The following MRNIP variants were observed in gnomAD, a reference collection of about 807,000 sequenced individuals.
MRNIP encodes MRN complex-interacting protein.
A neutral mutation model predicts 29.8 loss-of-function variants in MRNIP; 30 were observed. That is an observed-to-expected ratio of 1.01 (90% confidence interval 0.75 to 1.36). The LOEUF is 1.36. Among genes scored for constraint, MRNIP ranks in the 40% most tolerant of loss-of-function variants. The pLI is 0.00. For missense variants in MRNIP, 459 were observed against 423.5 expected (o/e 1.08, Z -0.74); for synonymous variants, 201 against 164.1 (o/e 1.23, Z -1.72).
chr5:179,853,476 T>C lies in MRNIP; in HGVS notation c.67-39A>G, dbSNP rs754105348. On this transcript the variant is annotated intron_variant, in intron 1 of 6. Transcript: ENST00000292586. ...TCAGAAATACAACTCAGATAATTAT[T>C]TAAAACAAAATGGAATTGGGCTGGA... 59 of 1,556,678 alleles carry C rather than the reference T, an allele frequency of 3.8e-5. 1 individual carries two copies. The South Asian group carries it at 6.4e-4, about 17-fold the overall frequency.
At chr5:179,844,714 C>G (rs893087368) in intron 3 of MRNIP, among the ~76,000 whole-genome samples, 1 of 152,090 alleles carries the variant, frequency 6.6e-6, no homozygotes, top group African/African-American at 2.4e-5. Context: ...GCGTGAAGTA[C>G]GCATCCAGCT....
chr5:179,843,021 G>A, intron 4 of MRNIP, among the ~76,000 whole-genome samples: 1 of 117,650 alleles, frequency 8.5e-6, no homozygotes. Context: ...GACACAGCGA[G>A]ACTCTGTCGA....
At chr5:179,838,195 A>G (rs1758699280) in intron 6 of MRNIP, 1 of 438,200 alleles carries the variant, frequency 2.3e-6, no homozygotes. Flanking sequence ...AAGAATTTTG[A>G]GCAGAAGGGC....
chr5:179,855,295 C>T (rs1370360154), intron 1 of MRNIP, among the ~76,000 whole-genome samples: 2 of 152,066 alleles, frequency 1.3e-5, no homozygotes. Context: ...CAGGCACGTG[C>T]CACCACGCCC....
intron 1 of MRNIP, among the ~76,000 whole-genome samples, chr5:179,857,535 G>A (rs945400158): frequency 6.6e-6 from 1 of 152,112 alleles, no homozygotes; most frequent in African/African-American, 2.4e-5. Context: ...AACATTAGAC[G>A]TGGAATAATT....
intron 6 of MRNIP, chr5:179,838,800 G>C (rs1419226433): frequency 6.6e-6 from 1 of 152,204 alleles, no homozygotes; most frequent in African/African-American, 2.4e-5. Flanking sequence ...GCAACATGGT[G>C]AAACCCCCTC....
intron 3 of MRNIP, chr5:179,847,002 C>CT (rs1312237786): frequency 6.6e-6 from 1 of 152,116 alleles, no homozygotes; most frequent in East Asian, 1.9e-4. Context: ...AGCTCAGGTG[C>CT]TTCCTCTCTG....
At position 179,844,166 on chromosome 5, in the gene MRNIP, T is replaced by A; in HGVS notation, c.277A>T (p.Asn93Tyr). ...EENVGHQQAG[N>Y]VKQQEKSQPS... ...CTGAGGCTTACCTGCTGCTTCACAT[T>A]CCCAGCCTGCTGGTGTCCCACGTTT... is the stretch of plus-strand genomic sequence containing the variant. The change falls in exon 4 of 7, where the codon AAT (asparagine) becomes TAT (tyrosine). Residue 93 changes from asparagine to tyrosine, a missense_variant. Transcript: ENST00000292586. 1 of 1,614,152 alleles carries A rather than the reference T, an allele frequency of 6.2e-7. No individual in the cohort carries two copies. The highest frequency in any genetic ancestry group is 8.5e-7 in the Non-Finnish European group (1 of 1,179,998).
At position 179,843,747 on chromosome 5, in the gene MRNIP, AAAAAC is replaced by A. The variant is rs376566420; in HGVS notation, c.291+400_291+404del. Among the ~76,000 whole-genome samples, 306 of 152,158 alleles carry A rather than the reference AAAAAC, an allele frequency of 2.0e-3. 3 individuals are homozygous for A. Among genetic ancestry groups the A allele is most frequent in the African/African-American group, 6.4e-3 (265 of 41,452 alleles). ...AGAGTGAGACCTCGTTTCAGAGAAA[AAAAAC>A]AAAACAAAACAAAACAACAGCTTGC... is the stretch of plus-strand genomic sequence containing the variant. On this transcript the variant is annotated intron_variant, in intron 4 of 6. Coordinates refer to ENST00000292586, the MANE Select transcript of MRNIP (RefSeq NM_016175.4).
chr5:179,857,677 C>A (rs1366500915), intron 1 of MRNIP, among the ~76,000 whole-genome samples: 1 of 152,266 alleles, frequency 6.6e-6, no homozygotes, highest in South Asian at 2.1e-4. Context: ...CTTACAGACA[C>A]ATACTCAGCA....
chr5:179,842,210 C>T (rs929333301), intron 4 of MRNIP, 146 bp from the exon 5 acceptor site: 13 of 808,616 alleles, frequency 1.6e-5, no homozygotes, highest in Middle Eastern at 3.4e-4. Flanking sequence ...AGGTGATGGA[C>T]GCCAATACTA....
At chr5:179,858,385 G>A (rs1354919633) in intron 1 of MRNIP, among the ~76,000 whole-genome samples, 1 of 151,110 alleles carries the variant, frequency 6.6e-6, no homozygotes, top group Non-Finnish European at 1.5e-5. Context: ...GGCGCGCTCG[G>A]TCTCTAAGAA....
chr5:179,841,764 G>T, intron 5 of MRNIP, 143 bp downstream of exon 5: 2 of 842,032 alleles, frequency 2.4e-6, no homozygotes, highest in Non-Finnish European at 3.8e-6. Context: ...AGCAGTGGCA[G>T]CAGCTGCCCG....
At chr5:179,853,208 C>T in intron 2 of MRNIP, 170 bp downstream of exon 2, 1 of 1,533,704 alleles carries the variant, frequency 6.5e-7, no homozygotes, top group Non-Finnish European at 8.7e-7. Flanking sequence ...TTTCCAGATT[C>T]TGCTCCATCC....
intron 6 of MRNIP, chr5:179,840,620 C>G: frequency 3.5e-6 from 2 of 570,106 alleles, no homozygotes; most frequent in South Asian, 2.2e-5. Flanking sequence ...TGGCCAACCT[C>G]AGTTTCTCCA....
At chr5:179,853,103 T>A (rs1759436233) in intron 2 of MRNIP, 2 of 765,882 alleles carry the variant, frequency 2.6e-6, no homozygotes, top group Admixed American at 2.6e-5. Context: ...AGGGCAAGAA[T>A]GACAATGGGC....
At chr5:179,853,333 G>T in intron 2 of MRNIP, 45 bp downstream of exon 2, 1 of 1,602,136 alleles carries the variant, frequency 6.2e-7, no homozygotes. Flanking sequence ...GGAAGGGCTC[G>T]CTGCAGGCCT....
intron 2 of MRNIP, among the ~76,000 whole-genome samples, chr5:179,849,302 T>C (rs269456): frequency 0.099 from 9,893 of 100,096 alleles, 2,199 homozygotes; most frequent in African/African-American, 0.39. Context: ...TGGTACGAGA[T>C]GGAATTTGAG....
rs1582053298 is a variant in MRNIP at position 179,851,075 on chromosome 5, A to C, written c.126+2303T>G. On this transcript the variant is annotated intron_variant, in intron 2 of 6. Coordinates refer to ENST00000292586, the MANE Select transcript of MRNIP (RefSeq NM_016175.4). ...GAGCAAGAGAAACGTCTATTGTATT[A>C]AGCCACCACAATTTTGGTGTGTTTG... The C allele has an allele frequency of 7.7e-6, 3 of 387,512 alleles. No homozygotes were observed. In the East Asian group the frequency reaches 2.2e-4, roughly 28 times the overall value. The allele number at this position is 387,512 out of a possible 1,614,324, so 24.0% of individuals were successfully genotyped here. A position where few individuals can be genotyped will look rare whatever the true frequency, so the allele number is the denominator to read the frequency against.
Sources: allele counts gnomAD v4.1 joint callset (sites outside exome capture counted in the v4.1 genomes callset), GRCh38; gene constraint gnomAD v4.1.1; transcripts MANE v1.5; gene names NCBI Gene and HGNC (gene_info 2026-07-23, HGNC 2026-07-21).